OTOF: variants seen among roughly 807,000 people sequenced by gnomAD.
The protein encoded by OTOF is otoferlin.
A neutral mutation model predicts 236.8 loss-of-function variants in OTOF; 218 were observed. The ratio of observed to expected loss-of-function variants is 0.92; its 90% CI spans 0.82 to 1.03. The LOEUF (loss-of-function observed/expected upper bound fraction) is 1.03. Ranked by LOEUF, OTOF falls within the 50% of genes least tolerant of loss-of-function variation. OTOF has a pLI of 0.00. For synonymous variants in OTOF, 1,041 were observed against 1,072.5 expected (o/e 0.97, Z 0.57); for missense variants, 2,590 against 2,694.4 (o/e 0.96, Z 0.86).
chr2:26,496,559 T>C (rs1236410370), intron 8 of OTOF, among the ~76,000 whole-genome samples: 1 of 151,916 alleles, frequency 6.6e-6, no homozygotes, highest in Non-Finnish European at 1.5e-5. Flanking sequence ...CTTTTTAAGC[T>C]AAAAAGATAT....
intron 5 of OTOF, among the ~76,000 whole-genome samples, chr2:26,512,616 T>C (rs1005882760): frequency 1.3e-5 from 2 of 152,128 alleles, no homozygotes; most frequent in Admixed American, 1.3e-4. Flanking sequence ...TTTGAGTAAA[T>C]GAGCTCCCTA....
At chr2:26,472,404 GC>G in intron 30 of OTOF, 114 bp downstream of exon 30, 1 of 1,332,016 alleles carries the variant, frequency 7.5e-7, no homozygotes, top group Middle Eastern at 1.8e-4. Context: ...ACAGTCACAT[GC>G]CAAAGGAGGC....
At chr2:26,472,154 T>C (rs771125782) in intron 30 of OTOF, among the ~76,000 whole-genome samples, 4 of 148,606 alleles carry the variant, frequency 2.7e-5, no homozygotes, top group African/African-American at 5.0e-5. Flanking sequence ...ATACCCCACA[T>C]ACATGCACAC....
rs774757999 is a variant in OTOF, at chr2:26,460,789, G to C, written c.5713-42C>G. 1.2e-6 allele frequency: 2 copies of C among 1,613,408 alleles called. No homozygotes were observed. Among genetic ancestry groups the C allele is most frequent in the South Asian group, 1.1e-5 (1 of 91,060 alleles). ...GGTCCCAGCGTCCAGGCTGCGTGCTGGGCCCTTGGCACCCCAGCCAGTCCC... is the reference window on the plus strand; with the variant it reads ...GGTCCCAGCGTCCAGGCTGCGTGCTCGGCCCTTGGCACCCCAGCCAGTCCC... On this transcript the variant is annotated intron_variant, in intron 44 of 46. Coordinates refer to ENST00000272371, the MANE Select transcript of OTOF (RefSeq NM_194248.3). This position sits in a 1 kb window ranked among gnomAD's most constrained non-coding sequence, Gnocchi z 5.3.
At chr2:26,516,174 C>A (rs1339800167) in intron 5 of OTOF, among the ~76,000 whole-genome samples, 3 of 152,240 alleles carry the variant, frequency 2.0e-5, no homozygotes, top group African/African-American at 7.2e-5. Context: ...CTCAGGGCCA[C>A]TGGGGAGGCC....
intron 11 of OTOF, among the ~76,000 whole-genome samples, chr2:26,485,948 G>C (rs950405073): frequency 6.6e-6 from 1 of 152,218 alleles, no homozygotes; most frequent in African/African-American, 2.4e-5. Flanking sequence ...CATGTCCCAG[G>C]AATCCCAGGA....
intron 32 of OTOF, 38 bp from the exon 33 acceptor site, chr2:26,468,512 T>A (rs754499576): frequency 1.3e-6 from 2 of 1,573,264 alleles, no homozygotes; most frequent in South Asian, 2.2e-5. Flanking sequence ...GAAGGTGGGT[T>A]TCCTGGGGAG....
At chr2:26,546,294 C>A (rs1024608347) in intron 1 of OTOF, among the ~76,000 whole-genome samples, 2 of 152,036 alleles carry the variant, frequency 1.3e-5, no homozygotes, top group African/African-American at 4.8e-5. Context: ...AACCTCGTCT[C>A]TACTGAAAAT....
chr2:26,473,632 G>A lies in OTOF; in HGVS notation c.3409-65C>T. On this transcript the variant is annotated intron_variant, in intron 27 of 46. Transcript: ENST00000272371. This position sits in a 1 kb window ranked among gnomAD's most constrained non-coding sequence, Gnocchi z 7.2. Reference sequence around the variant, plus strand: ...CTTAGTCAAGGGAGCCAGCCATGGGGGTGCTGGACCATCCAATAGGGAACC... The same window carrying A: ...CTTAGTCAAGGGAGCCAGCCATGGGAGTGCTGGACCATCCAATAGGGAACC... 6.6e-7 allele frequency: 1 copy of A among 1,505,574 alleles called. No homozygotes were observed. Among genetic ancestry groups the A allele is most frequent in the Non-Finnish European group, 8.9e-7 (1 of 1,120,340 alleles). 93.3% of individuals were successfully genotyped at this position (1,505,574 alleles called of 1,614,324 possible).
rs972532672 is a variant in OTOF, at chr2:26,473,050, C to T, written c.3733+82G>A. 28 of 1,440,422 alleles carry T rather than the reference C, an allele frequency of 1.9e-5. No homozygotes were observed. Among genetic ancestry groups the T allele is most frequent in the Non-Finnish European group, 2.6e-5 (27 of 1,048,722 alleles). The allele number at this position is 1,440,422 out of a possible 1,614,324, so 89.2% of individuals were successfully genotyped here. A position where few individuals can be genotyped will look rare whatever the true frequency, so the allele number is the denominator to read the frequency against. ...GGCCCCAAAGAGCAAACTCTGGTCG[C>T]GGCTTGGACTGGGCGGAGACCTGGA... is the stretch of plus-strand genomic sequence containing the variant. On this transcript the variant is annotated intron_variant, in intron 29 of 46. Transcript: ENST00000272371. This position sits in a 1 kb window ranked among gnomAD's most constrained non-coding sequence, Gnocchi z 7.2.
chr2:26,513,602 C>T (rs1473071421), intron 5 of OTOF, among the ~76,000 whole-genome samples: 1 of 152,230 alleles, frequency 6.6e-6, no homozygotes, highest in Non-Finnish European at 1.5e-5. Flanking sequence ...GACACTGCTG[C>T]TTGCCAGCAA....
chr2:26,481,558 T>C (rs1219787889), intron 14 of OTOF, among the ~76,000 whole-genome samples: 1 of 152,230 alleles, frequency 6.6e-6, no homozygotes, highest in Admixed American at 6.5e-5. Context: ...ATTTCCTTTT[T>C]ATTCTGCCTT....
At chr2:26,529,009 C>T (rs941089433) in intron 2 of OTOF, among the ~76,000 whole-genome samples, 5 of 152,314 alleles carry the variant, frequency 3.3e-5, no homozygotes, top group South Asian at 2.1e-4. Context: ...CATCTATTTG[C>T]GCTCCATTGG....
intron 9 of OTOF, among the ~76,000 whole-genome samples, chr2:26,493,718 G>A (rs1665905513): frequency 6.6e-6 from 1 of 152,186 alleles, no homozygotes; most frequent in South Asian, 2.1e-4. Context: ...TTTTGTTATT[G>A]GGAAATCGAA....
rs1329605740 is a variant in OTOF at position 26,473,748 on chromosome 2, T to C, written c.3409-181A>G. 6.6e-6 allele frequency among the ~76,000 whole-genome samples: 1 copy of C among 151,722 alleles called. No homozygotes were observed. Among genetic ancestry groups the C allele is most frequent in the Non-Finnish European group, 1.5e-5 (1 of 67,908 alleles). The stretch of plus-strand genomic sequence containing the variant: ...AGGAGGGGCAGGCGTTCTCCAGGGA[T>C]GAGGGTGGGGCTGCCCGGAGAAGGG... On this transcript the variant is annotated intron_variant, in intron 27 of 46. Transcript: ENST00000272371. This position sits in a 1 kb window ranked among gnomAD's most constrained non-coding sequence, Gnocchi z 7.2.
chr2:26,504,099 C>T (rs1466188400), intron 5 of OTOF, among the ~76,000 whole-genome samples: 1 of 152,076 alleles, frequency 6.6e-6, no homozygotes, highest in East Asian at 1.9e-4. Context: ...GATGGGGTCC[C>T]CAGCAAGCAG....
rs397517948 is a variant in OTOF, at chr2:26,463,957, G to C, written c.5103+7C>G. 1 of 1,613,836 alleles carries C rather than the reference G, an allele frequency of 6.2e-7. No individual in the cohort carries two copies. Among genetic ancestry groups the C allele is most frequent in the Admixed American group, 1.7e-5 (1 of 60,024 alleles). On this transcript the variant is annotated splice_region_variant and intron_variant, in intron 40 of 46. Coordinates refer to ENST00000272371, the MANE Select transcript of OTOF (RefSeq NM_194248.3). ...AAGAACCCCAGTCTTGGCCATGCAAGTGTCACCTGCTCGATGCCCGGCTTG... is the reference window on the plus strand; with the variant it reads ...AAGAACCCCAGTCTTGGCCATGCAACTGTCACCTGCTCGATGCCCGGCTTG...
chr2:26,505,248 C>A (rs910904103), intron 5 of OTOF, among the ~76,000 whole-genome samples: 2 of 152,082 alleles, frequency 1.3e-5, no homozygotes, highest in Non-Finnish European at 2.9e-5. Flanking sequence ...TCTTTGAATT[C>A]CTAAAAAGGA....
intron 2 of OTOF, 148 bp downstream of exon 2, chr2:26,537,567 CT>C: frequency 1.4e-6 from 1 of 695,486 alleles, no homozygotes; most frequent in South Asian, 1.5e-5. Context: ...TCCTTACCAC[CT>C]CCTTCAGGAA....
Sources: gnomAD v4.1 joint callset for allele counts (sites outside exome capture counted in the v4.1 genomes callset) on GRCh38, gnomAD v4.1.1 for gene constraint, Gnocchi (gnomAD v3.1) non-coding constraint, MANE v1.5 for transcripts, NCBI Gene and HGNC (gene_info 2026-07-23, HGNC 2026-07-21) for gene names.